The following ADAMTS19 variants were observed in gnomAD, a reference collection of about 807,000 sequenced individuals.
The protein encoded by ADAMTS19 is ADAM metallopeptidase with thrombospondin type 1 motif 19.
Under a neutral mutation model 153.3 loss-of-function variants are expected in ADAMTS19, and 93 were observed. The observed-to-expected ratio is 0.61, with a 90% CI of 0.51 to 0.72. The LOEUF (loss-of-function observed/expected upper bound fraction) is 0.72. Ranked by LOEUF, ADAMTS19 falls within the 30% of genes least tolerant of loss-of-function variation. ADAMTS19 has a pLI of 0.00. For synonymous variants in ADAMTS19, 600 were observed against 556.6 expected, an observed-to-expected ratio of 1.08 and a Z score of -1.10; for missense variants, 1,482 against 1,552.1, an observed-to-expected ratio of 0.95 and a Z score of 0.76.
Position 129,721,261 on chromosome 5 carries a change from T to A in ADAMTS19, c.3313-13671T>A, listed in dbSNP as rs565868232. Reference sequence around the variant, plus strand: ...TGATCTTGATAAAAATATTCAACTATATCATAAAAGGAACATTTCTATATA... The same window carrying A: ...TGATCTTGATAAAAATATTCAACTAAATCATAAAAGGAACATTTCTATATA... On this transcript the variant is annotated intron_variant, in intron 21 of 22. Transcript: ENST00000274487. Among the ~76,000 whole-genome samples, 339 of 152,338 alleles carry A rather than the reference T, an allele frequency of 2.2e-3. 2 individuals are homozygous for A. The highest frequency in any genetic ancestry group is 3.1e-3 in the Non-Finnish European group (213 of 68,032).
intron 19 of ADAMTS19, among the ~76,000 whole-genome samples, chr5:129,695,308 C>G (rs1755505005): frequency 1.3e-5 from 2 of 152,124 alleles, no homozygotes; most frequent in Admixed American, 6.5e-5. Flanking sequence ...CACTTCCTAG[C>G]CCAGAGTTCC....
At position 129,461,315 on chromosome 5, in the gene ADAMTS19, AG is replaced by A; in HGVS notation, c.308del (p.Gly103AlafsTer147). On this transcript the variant is annotated frameshift_variant, in exon 2 of 23. Coordinates refer to ENST00000274487, the MANE Select transcript of ADAMTS19 (RefSeq NM_133638.6). LOFTEE classifies it high-confidence loss of function. This position sits in a 1 kb window ranked among gnomAD's most constrained non-coding sequence, Gnocchi z 4.6. ...CCGGTGCCTTTGGAGGAGCCCGTGG[AG>A]GGCCGATCAGAGTCCCGGCTCCGGC... ...VAPVPLEEPV[E>X]GRSESRLRPP... 7.6e-7 allele frequency: 1 copy of A among 1,322,730 alleles called. No individual in the cohort carries two copies. The allele number at this position is 1,322,730 out of a possible 1,614,324, so 81.9% of individuals were successfully genotyped here.
intron 21 of ADAMTS19, among the ~76,000 whole-genome samples, chr5:129,718,253 CTGTT>C (rs200355117): frequency 0.014 from 2,180 of 152,056 alleles, 28 homozygotes; most frequent in Non-Finnish European, 0.023. Context: ...CATAAGCAAT[CTGTT>C]TGATTTTGTC....
chr5:129,487,397 A>C (rs534982807), intron 2 of ADAMTS19, among the ~76,000 whole-genome samples: 1 of 152,226 alleles, frequency 6.6e-6, no homozygotes, highest in African/African-American at 2.4e-5. Flanking sequence ...ATATTGCCCA[A>C]AAATACACTC....
At chr5:129,684,924 T>A (rs138570194) in intron 18 of ADAMTS19, among the ~76,000 whole-genome samples, 8 of 151,624 alleles carry the variant, frequency 5.3e-5, no homozygotes, top group African/African-American at 1.9e-4. Flanking sequence ...GAGACGGGGC[T>A]TGCAGTGAGC....
At chr5:129,608,613 A>G (rs1257418092) in intron 8 of ADAMTS19, among the ~76,000 whole-genome samples, 5 of 152,114 alleles carry the variant, frequency 3.3e-5, no homozygotes, top group Admixed American at 1.3e-4. Context: ...TTAGATATAC[A>G]CTAAGAACTA....
chr5:129,664,084 TA>T (rs1753931208), intron 15 of ADAMTS19, among the ~76,000 whole-genome samples: 1 of 148,396 alleles, frequency 6.7e-6, no homozygotes, highest in Admixed American at 6.8e-5. Flanking sequence ...CAAGTATGAG[TA>T]ATTTTTAACA....
At chr5:129,524,839 C>G (rs1234810960) in intron 3 of ADAMTS19, among the ~76,000 whole-genome samples, 11 of 151,834 alleles carry the variant, frequency 7.2e-5, no homozygotes, top group Admixed American at 6.6e-5. Flanking sequence ...CTAATTTCTC[C>G]TACCCTAAGA....
In ADAMTS19 at chr5:129,460,353, C is replaced by A; in HGVS notation, c.-39C>A. 1 of 1,507,024 alleles carries A rather than the reference C, an allele frequency of 6.6e-7. No individual in the cohort carries two copies. The highest frequency in any genetic ancestry group is 2.6e-5 in the East Asian group (1 of 37,780). 93.4% of individuals were successfully genotyped at this position (1,507,024 alleles called of 1,614,324 possible). On this transcript the variant is annotated 5_prime_UTR_variant, in exon 1 of 23. Transcript: ENST00000274487. ...GCCCCGGAGTGGATCGCGCTGGAGGCGTGCGCCGGGCGAGAAGCCGCGGCC... is the reference window on the plus strand; with the variant it reads ...GCCCCGGAGTGGATCGCGCTGGAGGAGTGCGCCGGGCGAGAAGCCGCGGCC...
At position 129,723,319 on chromosome 5, in the gene ADAMTS19, A is replaced by T. The variant is rs537059146; in HGVS notation, c.3313-11613A>T. 2.0e-5 allele frequency among the ~76,000 whole-genome samples: 3 copies of T among 152,332 alleles called. No individual in the cohort carries two copies. In the East Asian group the frequency reaches 5.8e-4, roughly 29 times the overall value. ...AATTATTTTCAGGTAAAATAAAGTCATTCGGCTCTTATTACCTGGCATAAG... is the reference window on the plus strand; with the variant it reads ...AATTATTTTCAGGTAAAATAAAGTCTTTCGGCTCTTATTACCTGGCATAAG... On this transcript the variant is annotated intron_variant, in intron 21 of 22. Coordinates refer to ENST00000274487, the MANE Select transcript of ADAMTS19 (RefSeq NM_133638.6).
chr5:129,714,965 A>G (rs1415898756), intron 21 of ADAMTS19, among the ~76,000 whole-genome samples: 1 of 152,196 alleles, frequency 6.6e-6, no homozygotes, highest in African/African-American at 2.4e-5. Context: ...AGAATATTGT[A>G]GCTTTTAAAA....
chr5:129,717,484 C>T (rs1026692757), intron 21 of ADAMTS19, among the ~76,000 whole-genome samples: 2 of 152,172 alleles, frequency 1.3e-5, no homozygotes, highest in African/African-American at 4.8e-5. Context: ...ACTCTCTTCA[C>T]CTTTTCCTAT....
At chr5:129,504,234 T>A (rs752900722) in intron 2 of ADAMTS19, among the ~76,000 whole-genome samples, 2 of 152,190 alleles carry the variant, frequency 1.3e-5, no homozygotes, top group Admixed American at 6.5e-5. Context: ...ATCCTTGCAC[T>A]TGTCTTATGC....
intron 20 of ADAMTS19, among the ~76,000 whole-genome samples, 176 bp from the exon 21 acceptor site, chr5:129,704,063 C>T (rs1756032243): frequency 1.3e-5 from 2 of 152,164 alleles, no homozygotes; most frequent in African/African-American, 4.8e-5. Context: ...CTCCTTCTGG[C>T]ATCAGATACT....
chr5:129,575,376 T>A (rs970409615), intron 7 of ADAMTS19, among the ~76,000 whole-genome samples: 5 of 152,084 alleles, frequency 3.3e-5, no homozygotes, highest in Admixed American at 3.3e-4. Context: ...ATTGTAAAAA[T>A]GTGTCAGCCA....
chr5:129,715,547 G>T (rs997624338), intron 21 of ADAMTS19, among the ~76,000 whole-genome samples: 3 of 152,144 alleles, frequency 2.0e-5, no homozygotes, highest in Non-Finnish European at 4.4e-5. Flanking sequence ...GGGAGAAATG[G>T]TTGAGTTTGA....
At chr5:129,684,036 A>C in intron 17 of ADAMTS19, 84 bp from the exon 18 acceptor site, 1 of 1,387,476 alleles carries the variant, frequency 7.2e-7, no homozygotes, top group Admixed American at 2.1e-5. Context: ...GAGCATTTTA[A>C]GTATCAATAT....
chr5:129,649,349 C>A (rs1753211948), intron 13 of ADAMTS19, among the ~76,000 whole-genome samples: 1 of 152,142 alleles, frequency 6.6e-6, no homozygotes, highest in African/African-American at 2.4e-5. Flanking sequence ...AAATCATACT[C>A]CTGAGTGATG....
chr5:129,720,390 C>CA (rs1346457741), intron 21 of ADAMTS19, among the ~76,000 whole-genome samples: 1 of 151,870 alleles, frequency 6.6e-6, no homozygotes, highest in East Asian at 1.9e-4. Context: ...AGTCTGGTCT[C>CA]AAACTCTTGA....
Sources: gnomAD v4.1 joint callset for allele counts (sites outside exome capture counted in the v4.1 genomes callset) on GRCh38, gnomAD v4.1.1 for gene constraint, Gnocchi (gnomAD v3.1) non-coding constraint, MANE v1.5 for transcripts, NCBI Gene and HGNC (gene_info 2026-07-23, HGNC 2026-07-21) for gene names.